FBN1: variants seen among roughly 807,000 people sequenced by gnomAD.
FBN1 encodes the protein fibrillin 1, also known as fibrillin-1.
Under a neutral mutation model 365.1 loss-of-function variants are expected in FBN1, and 29 were observed. That is an observed-to-expected ratio of 0.08 (90% CI 0.06 to 0.11). The LOEUF (loss-of-function observed/expected upper bound fraction) is 0.11, where lower values mean the gene tolerates loss of function less well. FBN1 is among the 10% of genes least tolerant of loss of function. The pLI is 1.00. For synonymous variants in FBN1, 1,210 were observed against 1,270.5 expected, an observed-to-expected ratio of 0.95 and a Z score of 1.01; for missense variants, 2,476 against 3,703.2, an observed-to-expected ratio of 0.67 and a Z score of 8.60.
chr15:48,465,781 C>T lies in FBN1; in HGVS notation c.4816+9G>A. ...TGTGTGTGCTTTAAGACAAAGGAAA[C>T]ACAATTACCTTCCAATATAACGGTG... On this transcript the variant is annotated intron_variant, in intron 39 of 65. Transcript: ENST00000316623. 6.2e-7 allele frequency: 1 copy of T among 1,612,916 alleles called. No homozygotes were observed. Among genetic ancestry groups the T allele is most frequent in the South Asian group, 1.1e-5 (1 of 91,052 alleles).
chr15:48,596,216 C>T, intron 6 of FBN1, 67 bp downstream of exon 6: 1 of 1,397,032 alleles, frequency 7.2e-7, no homozygotes, highest in Non-Finnish European at 1.0e-6. Context: ...GACCCAATGT[C>T]TGTGCAAATT....
In FBN1 at chr15:48,487,452, T is replaced by C. The variant is rs200496779; in HGVS notation, c.3338-15A>G. On this transcript the variant is annotated splice_polypyrimidine_tract_variant and intron_variant, in intron 27 of 65. Transcript: ENST00000316623. ...CTCATCAATATCTGCAAAATGGAAA[T>C]GACCATGTTAAAGGTGGGGGCCTCA... 7.4e-6 allele frequency: 12 copies of C among 1,613,420 alleles called. No individual in the cohort carries two copies. The highest frequency in any genetic ancestry group is 1.7e-5 in the Admixed American group (1 of 60,018).
In FBN1 at chr15:48,470,217, C is replaced by G. The variant is rs529406989; in HGVS notation, c.4459+417G>C. On this transcript the variant is annotated intron_variant, in intron 36 of 65. Coordinates refer to ENST00000316623, the MANE Select transcript of FBN1 (RefSeq NM_000138.5). ...TCTGTGTACCCAGTACTCTGGTGAC[C>G]ACGAGCAGGGCAGGGGTAGGAAGGA... Among the ~76,000 whole-genome samples, 3 of 152,122 alleles carry G rather than the reference C, an allele frequency of 2.0e-5. No individual in the cohort carries two copies. In the East Asian group the frequency reaches 5.8e-4, roughly 29 times the overall value.
At chr15:48,591,959 T>G (rs1213723075) in intron 6 of FBN1, among the ~76,000 whole-genome samples, 3 of 152,186 alleles carry the variant, frequency 2.0e-5, no homozygotes, top group Non-Finnish European at 4.4e-5. Flanking sequence ...TGATCTCTCT[T>G]TGCCTCTGCT....
At chr15:48,526,376 A>G in intron 8 of FBN1, 121 bp from the exon 9 acceptor site, 1 of 1,053,074 alleles carries the variant, frequency 9.5e-7, no homozygotes, top group Non-Finnish European at 1.4e-6. Context: ...CATCATTAAA[A>G]AGTAAAAACC....
intron 12 of FBN1, among the ~76,000 whole-genome samples, chr15:48,514,048 G>A (rs574622109): frequency 2.0e-5 from 3 of 152,220 alleles, no homozygotes; most frequent in African/African-American, 7.2e-5. Flanking sequence ...TAAAAAGAAG[G>A]TCTAACCATA....
chr15:48,448,967 T>G, intron 45 of FBN1, 74 bp from the exon 46 acceptor site: 1 of 1,250,496 alleles, frequency 8.0e-7, no homozygotes, highest in East Asian at 2.4e-5. Flanking sequence ...CTAGCTATCA[T>G]TCTCAGGAGT....
In FBN1 at chr15:48,433,389, G is replaced by A. The variant is rs554846129; in HGVS notation, c.6617-401C>T. 1.5e-4 allele frequency among the ~76,000 whole-genome samples: 23 copies of A among 152,208 alleles called. No individual in the cohort carries two copies. The East Asian group carries it at 2.3e-3, about 15-fold the overall frequency. ...GTGGGAATCAGTTTTGCCCCATTCC[G>A]CCAAAACAATTGTGGTCAGAACAGA... is the stretch of plus-strand genomic sequence containing the variant. On this transcript the variant is annotated intron_variant, in intron 54 of 65. Coordinates refer to ENST00000316623, the MANE Select transcript of FBN1 (RefSeq NM_000138.5).
At chr15:48,415,500 G>GA (rs2042895375) in intron 64 of FBN1, 36 bp downstream of exon 64, 1 of 1,472,404 alleles carries the variant, frequency 6.8e-7, no homozygotes, top group South Asian at 1.1e-5. Context: ...ACGAATGAAA[G>GA]AATCTCCAAC....
At chr15:48,438,963 T>G (rs909077644) in intron 50 of FBN1, among the ~76,000 whole-genome samples, 1 of 152,208 alleles carries the variant, frequency 6.6e-6, no homozygotes, top group Non-Finnish European at 1.5e-5. Context: ...CATATTGTAC[T>G]ATTCTTCTTT....
chr15:48,441,698 C>T, intron 50 of FBN1, 23 bp downstream of exon 50: 1 of 1,613,072 alleles, frequency 6.2e-7, no homozygotes, highest in Non-Finnish European at 8.5e-7. Context: ...CATTGAAAGC[C>T]CAAAGCCTTC....
intron 6 of FBN1, among the ~76,000 whole-genome samples, chr15:48,552,422 GTCACCA>G (rs751319543): frequency 2.0e-5 from 3 of 151,792 alleles, no homozygotes; most frequent in Non-Finnish European, 4.4e-5. Context: ...ACAGGCACAT[GTCACCA>G]TGCCTGCCTA....
Position 48,414,239 on chromosome 15 carries a change from A to T in FBN1, c.8051+1297T>A, listed in dbSNP as rs544103457. 2.4e-4 allele frequency among the ~76,000 whole-genome samples: 37 copies of T among 152,294 alleles called. 3 individuals are homozygous for T. In the South Asian group the frequency reaches 7.3e-3, roughly 30 times the overall value. ...AGTCTACTGAGAGCCAGACACAAACATCTGGGAATTTGTGTCTGATTGCTG... is the reference window on the plus strand; with the variant it reads ...AGTCTACTGAGAGCCAGACACAAACTTCTGGGAATTTGTGTCTGATTGCTG... On this transcript the variant is annotated intron_variant, in intron 64 of 65. Coordinates refer to ENST00000316623, the MANE Select transcript of FBN1 (RefSeq NM_000138.5).
At chr15:48,495,998 A>C (rs2043605340) in intron 20 of FBN1, 102 bp downstream of exon 20, 3 of 1,454,550 alleles carry the variant, frequency 2.1e-6, no homozygotes, top group Non-Finnish European at 2.9e-6. Flanking sequence ...AAACTGGCAT[A>C]ACTGTCTAAA....
At chr15:48,419,574 G>A (rs764209174) in intron 63 of FBN1, among the ~76,000 whole-genome samples, 23 of 152,112 alleles carry the variant, frequency 1.5e-4, no homozygotes, top group Non-Finnish European at 2.9e-4. Context: ...AGAGACTCAC[G>A]CAGTCGAAAC....
At chr15:48,488,037 G>T in intron 27 of FBN1, 76 bp downstream of exon 27, 1 of 1,594,018 alleles carries the variant, frequency 6.3e-7, no homozygotes, top group South Asian at 1.1e-5. Context: ...GGAAGAACCT[G>T]GAACATAGGC....
chr15:48,518,282 C>T (rs2043821290), intron 10 of FBN1, among the ~76,000 whole-genome samples: 1 of 152,202 alleles, frequency 6.6e-6, no homozygotes, highest in Admixed American at 6.5e-5. Context: ...CAAATTCCCA[C>T]CACTAAGACT....
chr15:48,411,372 G>A lies in FBN1; in HGVS notation c.8234C>T (p.Ser2745Phe). The change falls in exon 66 of 66, where the codon TCT (serine) becomes TTT (phenylalanine). Residue 2745 changes from serine to phenylalanine, a missense_variant. By Grantham distance (155) the Ser-to-Phe change is radical. Coordinates refer to ENST00000316623, the MANE Select transcript of FBN1 (RefSeq NM_000138.5). ...AAGACTCACATTGGCTTCTGTCTCA[G>A]ACTGATCCTGGAAAGACACATGGCA... ...ETDASNIEDQ[S>F]ETEANVSLAS... is the part of the protein sequence containing the mutation. The A allele has an allele frequency of 6.2e-7, 1 of 1,613,832 alleles. No homozygotes were observed. Among genetic ancestry groups the A allele is most frequent in the Non-Finnish European group, 8.5e-7 (1 of 1,179,926 alleles).
intron 4 of FBN1, among the ~76,000 whole-genome samples, chr15:48,600,887 T>C (rs1410748663): frequency 6.6e-6 from 1 of 152,090 alleles, no homozygotes; most frequent in East Asian, 1.9e-4. Context: ...AATTTTCCCG[T>C]GAAAAGATTT....
Sources: allele counts gnomAD v4.1 joint callset (sites outside exome capture counted in the v4.1 genomes callset), GRCh38; gene constraint gnomAD v4.1.1; transcripts MANE v1.5; gene names NCBI Gene and HGNC (gene_info 2026-07-23, HGNC 2026-07-21).